CCDC13: variants seen among roughly 807,000 people sequenced by gnomAD.
The protein encoded by CCDC13 is coiled-coil domain-containing protein 13.
In CCDC13, 70 loss-of-function variants were observed where a neutral mutation model predicts 87.3. The ratio of observed to expected loss-of-function variants is 0.80; its 90% CI spans 0.66 to 0.98. The LOEUF is 0.98. CCDC13 is among the 50% of genes least tolerant of loss of function. CCDC13 has a pLI of 0.00. For missense variants in CCDC13, 842 were observed against 892.0 expected, an observed-to-expected ratio of 0.94 and a Z score of 0.71; for synonymous variants, 317 against 360.3, an observed-to-expected ratio of 0.88 and a Z score of 1.36.
intron 13 of CCDC13, chr3:42,719,495 G>A (rs550342441): frequency 4.6e-5 from 7 of 152,014 alleles, no homozygotes; most frequent in Admixed American, 3.9e-4. Context: ...GGATTTGTGA[G>A]GCTAGTCTTA....
At chr3:42,709,992 C>T (rs1698269608) in intron 14 of CCDC13, among the ~76,000 whole-genome samples, 194 bp from the exon 15 acceptor site, 1 of 152,216 alleles carries the variant, frequency 6.6e-6, no homozygotes, top group African/African-American at 2.4e-5. Context: ...TGCCTCTGCC[C>T]CTGGCTTTGG....
chr3:42,751,795 A>T, intron 5 of CCDC13, 141 bp downstream of exon 5: 1 of 678,796 alleles, frequency 1.5e-6, no homozygotes, highest in Non-Finnish European at 2.6e-6. Flanking sequence ...CAGCAATGGT[A>T]GACAATGGGC....
At chr3:42,731,753 G>A (rs1016129645) in intron 12 of CCDC13, among the ~76,000 whole-genome samples, 1 of 152,224 alleles carries the variant, frequency 6.6e-6, no homozygotes, top group Non-Finnish European at 1.5e-5. Flanking sequence ...AACCATGCCA[G>A]CCCGAATAGA....
At chr3:42,736,381 G>A (rs1389526424) in intron 9 of CCDC13, among the ~76,000 whole-genome samples, 1 of 152,192 alleles carries the variant, frequency 6.6e-6, no homozygotes, top group Non-Finnish European at 1.5e-5. Flanking sequence ...AGGGCCAACA[G>A]AAAGGACAAT....
In CCDC13 at chr3:42,708,980, C is replaced by G. The variant is rs1463184950; in HGVS notation, c.2148G>C (p.Ter716TyrextTer19). The change falls in exon 16 of 16, where the codon TAG (stop) becomes TAC (tyrosine). Residue 716 changes from the stop codon to tyrosine, a stop_lost. Coordinates refer to ENST00000310232, the MANE Select transcript of CCDC13 (RefSeq NM_144719.4). The part of the protein sequence containing the change: ...ALRQQKTGKQ[*>Y] Reference sequence around the variant, plus strand: ...GCCAGGCCGACACTGGGCTGTCATCCTATTGCTTGCCTGTCTTCTGCTGCC... The same window carrying G: ...GCCAGGCCGACACTGGGCTGTCATCGTATTGCTTGCCTGTCTTCTGCTGCC... 1.2e-6 allele frequency: 2 copies of G among 1,610,006 alleles called. No homozygotes were observed. Among genetic ancestry groups the G allele is most frequent in the African/African-American group, 2.7e-5 (2 of 74,864 alleles).
At chr3:42,716,223 T>C (rs1206938814) in intron 13 of CCDC13, among the ~76,000 whole-genome samples, 1 of 151,904 alleles carries the variant, frequency 6.6e-6, no homozygotes, top group Non-Finnish European at 1.5e-5. Flanking sequence ...TGAAAAAAGG[T>C]TGTCAAAGAT....
intron 13 of CCDC13, among the ~76,000 whole-genome samples, chr3:42,725,442 G>A (rs1253984253): frequency 6.6e-6 from 1 of 151,608 alleles, no homozygotes; most frequent in Non-Finnish European, 1.5e-5. Context: ...GCTGAGGTGG[G>A]AGGATCACTG....
At chr3:42,709,934 C>T (rs1347565082) in intron 14 of CCDC13, 136 bp from the exon 15 acceptor site, 5 of 660,244 alleles carry the variant, frequency 7.6e-6, no homozygotes, top group African/African-American at 1.8e-5. Flanking sequence ...TGCAGGGCAA[C>T]TCTGAGCTCT....
At chr3:42,748,823 CAGCTCA>C (rs1414351011) in intron 5 of CCDC13, among the ~76,000 whole-genome samples, 1 of 152,194 alleles carries the variant, frequency 6.6e-6, no homozygotes, top group East Asian at 1.9e-4. Context: ...AACATAATCT[CAGCTCA>C]CTGCAACCTC....
Position 42,747,286 on chromosome 3 carries a change from C to T in CCDC13, c.691G>A (p.Val231Met). Residue 231 changes from valine (V) to methionine (M), a missense_variant, in exon 6 of 16, where the codon GTG becomes ATG. Val to Met is a conservative substitution (Grantham distance 21). Transcript: ENST00000310232. ...MSDLRNQIQSVKQELRMAQKV... is the reference protein window; with the variant it reads ...MSDLRNQIQSMKQELRMAQKV... ...TGTGCCATCCGCAGCTCCTGCTTCA[C>T]AGACTGGATCTGGTTTCGGAGGTCA... 1 of 1,614,150 alleles carries T rather than the reference C, an allele frequency of 6.2e-7. No homozygotes were observed. Among genetic ancestry groups the T allele is most frequent in the Non-Finnish European group, 8.5e-7 (1 of 1,180,008 alleles).
intron 6 of CCDC13, 68 bp downstream of exon 6, chr3:42,747,189 G>A (rs1699430151): frequency 2.6e-6 from 3 of 1,164,206 alleles, no homozygotes; most frequent in African/African-American, 1.5e-5. Flanking sequence ...AATCCACTGT[G>A]CCAGCCGTGC....
intron 10 of CCDC13, among the ~76,000 whole-genome samples, chr3:42,735,116 TC>T (rs1169736206): frequency 6.6e-6 from 1 of 152,188 alleles, no homozygotes; most frequent in East Asian, 1.9e-4. Flanking sequence ...TCCTGGGGCT[TC>T]CTGGAGGAGC....
rs1698184361 is a variant in CCDC13 at position 42,706,529 on chromosome 3, G to T, written c.*2451C>A. ...GCCAGCAGACATGACAGGCACTCCC[G>T]CACATGGCACCACAGCAATGCTGTC... is the stretch of plus-strand genomic sequence containing the variant. On this transcript the variant is annotated 3_prime_UTR_variant, in exon 16 of 16. Coordinates refer to ENST00000310232, the MANE Select transcript of CCDC13 (RefSeq NM_144719.4). The T allele has an allele frequency of 3.3e-5, 5 of 152,326 alleles. No homozygotes were observed. The South Asian group carries it at 8.3e-4, about 25-fold the overall frequency. 9.4% of individuals were successfully genotyped at this position (152,326 alleles called of 1,614,324 possible). A position where few individuals can be genotyped will look rare whatever the true frequency, so the allele number is the denominator to read the frequency against.
intron 4 of CCDC13, 25 bp downstream of exon 4, chr3:42,752,550 A>G: frequency 3.7e-6 from 6 of 1,613,824 alleles, no homozygotes; most frequent in Non-Finnish European, 5.1e-6. Flanking sequence ...TCCCCTCCAG[A>G]GGGAGAATGA....
intron 13 of CCDC13, among the ~76,000 whole-genome samples, chr3:42,723,786 C>A (rs1167361129): frequency 1.3e-5 from 2 of 151,940 alleles, no homozygotes; most frequent in Admixed American, 6.6e-5. Flanking sequence ...ATTTTAAAAT[C>A]AGAAACTAAT....
chr3:42,716,968 C>T (rs929660717), intron 13 of CCDC13, among the ~76,000 whole-genome samples: 6 of 152,138 alleles, frequency 3.9e-5, no homozygotes, highest in African/African-American at 1.4e-4. Flanking sequence ...TACATGCACA[C>T]AATAAAATAT....
chr3:42,709,245 C>T, intron 15 of CCDC13, 106 bp from the exon 16 acceptor site: 1 of 1,200,040 alleles, frequency 8.3e-7, no homozygotes, highest in Non-Finnish European at 1.1e-6. Context: ...GCTCTTCAGG[C>T]TCAGGCTTCC....
At chr3:42,772,361 A>G (rs868681232) in intron 1 of CCDC13, among the ~76,000 whole-genome samples, 1 of 151,832 alleles carries the variant, frequency 6.6e-6, no homozygotes, top group African/African-American at 2.4e-5. Context: ...TAGGACTTAG[A>G]GCCAGGGAGT....
At chr3:42,730,312 AGGTTGT>A (rs1471802750) in intron 13 of CCDC13, among the ~76,000 whole-genome samples, 149 bp downstream of exon 13, 1 of 152,030 alleles carries the variant, frequency 6.6e-6, no homozygotes, top group Non-Finnish European at 1.5e-5. Flanking sequence ...CAAGGCCCCA[AGGTTGT>A]GGGGCGCATG....
Sources: allele counts gnomAD v4.1 joint callset (sites outside exome capture counted in the v4.1 genomes callset), GRCh38; gene constraint gnomAD v4.1.1; transcripts MANE v1.5; gene names NCBI Gene and HGNC (gene_info 2026-07-23, HGNC 2026-07-21).